The following DPP10 variants were observed in gnomAD, a reference collection of about 807,000 sequenced individuals.
DPP10 encodes inactive dipeptidyl peptidase 10.
In DPP10, 33 loss-of-function variants were observed where a neutral mutation model predicts 120.9. That is an observed-to-expected ratio of 0.27 (90% CI 0.21 to 0.37). The LOEUF (loss-of-function observed/expected upper bound fraction) is 0.37. Ranked by LOEUF, DPP10 falls within the 10% of genes least tolerant of loss-of-function variation. The pLI, the probability that DPP10 is intolerant of heterozygous loss-of-function variation, is 1.00. For synonymous variants in DPP10, 337 were observed against 326.1 expected, an observed-to-expected ratio of 1.03 and a Z score of -0.36; for missense variants, 816 against 942.8, an observed-to-expected ratio of 0.87 and a Z score of 1.76.
At chr2:115,384,610 A>T (rs2066747204) in intron 3 of DPP10, among the ~76,000 whole-genome samples, 1 of 141,274 alleles carries the variant, frequency 7.1e-6, no homozygotes, top group South Asian at 2.4e-4. Flanking sequence ...AGGAAGAAGA[A>T]GTGAAGGAAG....
At chr2:115,398,024 G>A (rs2067805527) in intron 3 of DPP10, among the ~76,000 whole-genome samples, 1 of 152,072 alleles carries the variant, frequency 6.6e-6, no homozygotes, top group South Asian at 2.1e-4. Flanking sequence ...TTGATAATGT[G>A]ATGAAATTTA....
At chr2:115,179,782 A>G (rs1384746104) in intron 1 of DPP10, among the ~76,000 whole-genome samples, 3 of 152,190 alleles carry the variant, frequency 2.0e-5, no homozygotes, top group African/African-American at 2.4e-5. Context: ...TCAAGTAGTA[A>G]TGGAATTTAA....
chr2:115,172,598 A>G (rs2053430476), intron 1 of DPP10, among the ~76,000 whole-genome samples: 1 of 152,170 alleles, frequency 6.6e-6, no homozygotes, highest in Admixed American at 6.5e-5. Flanking sequence ...GAACCTTGAC[A>G]TACTAGTTTG....
rs559458450 is a variant in DPP10, at chr2:115,421,675, A to C, written c.271+77763A>C. ...ATCACGAAGTCAAGAGATTGAGACC[A>C]TCCTGGCTAACATGGTGAAACCCTG... On this transcript the variant is annotated intron_variant, in intron 3 of 25. Coordinates refer to ENST00000410059, the MANE Select transcript of DPP10 (RefSeq NM_020868.6). 2.5e-3 allele frequency among the ~76,000 whole-genome samples: 379 copies of C among 152,052 alleles called. 1 individual carries two copies. The highest frequency in any genetic ancestry group is 0.014 in the Middle Eastern group (4 of 294).
intron 1 of DPP10, among the ~76,000 whole-genome samples, chr2:114,454,141 G>A (rs1678434442): frequency 6.6e-6 from 1 of 152,174 alleles, no homozygotes; most frequent in Non-Finnish European, 1.5e-5. Flanking sequence ...ACTGAAACTT[G>A]ATGGGCAAGC....
rs535761496 is a variant in DPP10, at chr2:114,986,898, G to A, written c.61-322341G>A. Among the ~76,000 whole-genome samples, 18 of 152,160 alleles carry A rather than the reference G, an allele frequency of 1.2e-4. No homozygotes were observed. In the South Asian group the frequency reaches 3.5e-3, roughly 30 times the overall value. On this transcript the variant is annotated intron_variant, in intron 1 of 25. Transcript: ENST00000410059. ...CGATTCTCCTGCCTCAGCCTCCCAA[G>A]TAGCTGGGGATTACAGGCACACACC...
intron 1 of DPP10, among the ~76,000 whole-genome samples, chr2:114,769,419 C>T (rs1393269300): frequency 1.3e-5 from 2 of 152,058 alleles, no homozygotes; most frequent in Non-Finnish European, 2.9e-5. Context: ...AAAATAAAAC[C>T]CTCAAATCCT....
At chr2:115,457,902 C>T (rs2073703877) in intron 3 of DPP10, among the ~76,000 whole-genome samples, 1 of 151,872 alleles carries the variant, frequency 6.6e-6, no homozygotes, top group Admixed American at 6.6e-5. Flanking sequence ...ACACTGCAAA[C>T]AATACAGAAT....
chr2:114,732,520 G>T (rs1215550114), intron 1 of DPP10, among the ~76,000 whole-genome samples: 7 of 152,198 alleles, frequency 4.6e-5, no homozygotes, highest in Admixed American at 4.6e-4. Flanking sequence ...ACATAAGCTT[G>T]TGTGAGATCA....
chr2:115,512,735 T>G (rs1291434628), intron 4 of DPP10, among the ~76,000 whole-genome samples: 1 of 152,126 alleles, frequency 6.6e-6, no homozygotes, highest in Non-Finnish European at 1.5e-5. Context: ...TTAATATAAT[T>G]TCATTTGGGT....
At chr2:115,271,576 A>G (rs11894527) in intron 1 of DPP10, among the ~76,000 whole-genome samples, 7,031 of 152,268 alleles carry the variant, frequency 0.046, 520 homozygotes, top group African/African-American at 0.16. Context: ...GATACTAGGT[A>G]TCATTGCACA....
chr2:115,840,946 C>G (rs1690082603), intron 25 of DPP10, 123 bp downstream of exon 25: 18 of 746,782 alleles, frequency 2.4e-5, no homozygotes, highest in Non-Finnish European at 2.0e-6. Context: ...TTTTTAGTTA[C>G]CAAAGATTGT....
intron 7 of DPP10, among the ~76,000 whole-genome samples, chr2:115,692,139 G>C (rs896776293): frequency 2.0e-5 from 3 of 151,624 alleles, no homozygotes; most frequent in Non-Finnish European, 4.4e-5. Flanking sequence ...GGTATGGTGG[G>C]GTTTTTTGTT....
At chr2:114,456,759 C>T (rs1467249618) in intron 1 of DPP10, among the ~76,000 whole-genome samples, 1 of 151,942 alleles carries the variant, frequency 6.6e-6, no homozygotes, top group Non-Finnish European at 1.5e-5. Context: ...TGAATTTTTC[C>T]CAGTAATTAA....
At chr2:115,471,807 A>G (rs1351770551) in intron 3 of DPP10, among the ~76,000 whole-genome samples, 1 of 130,208 alleles carries the variant, frequency 7.7e-6, no homozygotes, top group Non-Finnish European at 1.7e-5. Context: ...TTGTTTAGAG[A>G]CAAGGTCTCA....
chr2:115,406,283 C>A (rs1031136116), intron 3 of DPP10, among the ~76,000 whole-genome samples: 2 of 152,214 alleles, frequency 1.3e-5, no homozygotes, highest in Admixed American at 1.3e-4. Context: ...GAGGTCTCAT[C>A]TGAATGGCTT....
intron 5 of DPP10, among the ~76,000 whole-genome samples, chr2:115,568,639 G>A (rs1030049720): frequency 3.4e-5 from 5 of 148,418 alleles, no homozygotes; most frequent in African/African-American, 1.0e-4. Flanking sequence ...TCGCGTACTT[G>A]GTCGTTATTC....
intron 1 of DPP10, among the ~76,000 whole-genome samples, chr2:115,301,854 A>T (rs907608621): frequency 6.6e-6 from 1 of 152,072 alleles, no homozygotes; most frequent in South Asian, 2.1e-4. Context: ...TGTAAAACTA[A>T]CACCACACAA....
intron 1 of DPP10, among the ~76,000 whole-genome samples, chr2:115,262,628 C>T (rs942221969): frequency 1.9e-4 from 29 of 151,984 alleles, no homozygotes; most frequent in Non-Finnish European, 2.9e-4. Flanking sequence ...TCAAGTTTTC[C>T]ACAAAATTTT....
Sources: allele counts gnomAD v4.1 joint callset (sites outside exome capture counted in the v4.1 genomes callset), GRCh38; gene constraint gnomAD v4.1.1; transcripts MANE v1.5; gene names NCBI Gene and HGNC (gene_info 2026-07-23, HGNC 2026-07-21).